EPHA7: variants seen among roughly 807,000 people sequenced by gnomAD.
EPHA7 encodes ephrin type-A receptor 7.
A neutral mutation model predicts 112.6 loss-of-function variants in EPHA7; 25 were observed. The observed-to-expected ratio is 0.22, with a 90% CI of 0.16 to 0.31. The LOEUF (loss-of-function observed/expected upper bound fraction) is 0.31, where lower values mean the gene tolerates loss of function less well. Among genes scored for constraint, EPHA7 ranks in the 10% least tolerant of loss-of-function variants. The pLI is 1.00. For synonymous variants in EPHA7, 437 were observed against 406.5 expected (o/e 1.07, Z -0.90); for missense variants, 962 against 1,212.6 (o/e 0.79, Z 3.07).
At chr6:93,286,994 T>C (rs895740486) in intron 5 of EPHA7, among the ~76,000 whole-genome samples, 19 of 152,218 alleles carry the variant, frequency 1.2e-4, no homozygotes, top group African/African-American at 4.6e-4. Context: ...GTTTTATAAT[T>C]GAGAAATATT....
chr6:93,256,573 A>G (rs1770448579), intron 12 of EPHA7, among the ~76,000 whole-genome samples: 1 of 152,132 alleles, frequency 6.6e-6, no homozygotes, highest in Admixed American at 6.6e-5. Flanking sequence ...TGCTACTGAT[A>G]GGAGCATTAC....
chr6:93,378,401 G>A (rs572522885), intron 3 of EPHA7, among the ~76,000 whole-genome samples: 33 of 152,234 alleles, frequency 2.2e-4, no homozygotes, highest in African/African-American at 7.0e-4. Context: ...GAAAACTAAC[G>A]GGAGGGCTTC....
At chr6:93,383,073 C>T (rs1777421156) in intron 3 of EPHA7, among the ~76,000 whole-genome samples, 1 of 152,086 alleles carries the variant, frequency 6.6e-6, no homozygotes, top group Non-Finnish European at 1.5e-5. Flanking sequence ...AAGAAAATCT[C>T]CATTCCCCAC....
At chr6:93,248,079 T>C (rs1346567031) in intron 14 of EPHA7, among the ~76,000 whole-genome samples, 3 of 151,116 alleles carry the variant, frequency 2.0e-5, no homozygotes, top group South Asian at 2.1e-4. Context: ...CTGACTGATA[T>C]AATGGTAGAA....
At chr6:93,255,370 A>AACG (rs1770395979) in intron 13 of EPHA7, among the ~76,000 whole-genome samples, 4 of 151,880 alleles carry the variant, frequency 2.6e-5, no homozygotes, top group Admixed American at 2.6e-4. Context: ...CAACAACAAC[A>AACG]GCCACAACAA....
At chr6:93,361,671 C>A (rs1322239718) in intron 3 of EPHA7, among the ~76,000 whole-genome samples, 1 of 152,028 alleles carries the variant, frequency 6.6e-6, no homozygotes, top group Non-Finnish European at 1.5e-5. Flanking sequence ...AAAAAGTCTT[C>A]AGAGGTAAAT....
chr6:93,385,708 G>A (rs1027388107), intron 3 of EPHA7, among the ~76,000 whole-genome samples: 2 of 151,974 alleles, frequency 1.3e-5, no homozygotes, highest in Non-Finnish European at 2.9e-5. Context: ...ATGGTGATGT[G>A]TGGATGGATG....
intron 5 of EPHA7, among the ~76,000 whole-genome samples, chr6:93,348,832 C>T (rs1775539907): frequency 6.6e-6 from 1 of 151,778 alleles, no homozygotes; most frequent in Non-Finnish European, 1.5e-5. Context: ...TAACCATCTA[C>T]CCTGGGCCCA....
At chr6:93,400,108 A>G (rs1778367767) in intron 3 of EPHA7, among the ~76,000 whole-genome samples, 1 of 152,062 alleles carries the variant, frequency 6.6e-6, no homozygotes, top group Non-Finnish European at 1.5e-5. Flanking sequence ...TTTATAGGAA[A>G]ATGTCAACTA....
chr6:93,249,794 C>T (rs1317514101), intron 14 of EPHA7, among the ~76,000 whole-genome samples: 2 of 152,124 alleles, frequency 1.3e-5, no homozygotes, highest in Non-Finnish European at 2.9e-5. Context: ...ATCATGCCCT[C>T]TTGACATAAT....
At chr6:93,310,436 T>G (rs546063095) in intron 5 of EPHA7, among the ~76,000 whole-genome samples, 1 of 152,256 alleles carries the variant, frequency 6.6e-6, no homozygotes, top group African/African-American at 2.4e-5. Flanking sequence ...GGAGTCCAAG[T>G]TGCGTGGATG....
intron 5 of EPHA7, among the ~76,000 whole-genome samples, chr6:93,283,944 T>C (rs1003180565): frequency 6.6e-6 from 1 of 152,198 alleles, no homozygotes; most frequent in Non-Finnish European, 1.5e-5. Flanking sequence ...CTATATTACA[T>C]AAAATATAAT....
chr6:93,369,523 G>T (rs888938895), intron 3 of EPHA7, among the ~76,000 whole-genome samples: 1 of 152,096 alleles, frequency 6.6e-6, no homozygotes, highest in Non-Finnish European at 1.5e-5. Context: ...CTTTTTAAAA[G>T]AGCAACATCC....
At chr6:93,354,784 C>G (rs1775862748) in intron 5 of EPHA7, among the ~76,000 whole-genome samples, 1 of 152,012 alleles carries the variant, frequency 6.6e-6, no homozygotes. Context: ...ATAGTATTAA[C>G]TTGAGAAATC....
At chr6:93,339,902 A>C (rs891853160) in intron 5 of EPHA7, among the ~76,000 whole-genome samples, 4 of 151,784 alleles carry the variant, frequency 2.6e-5, no homozygotes, top group African/African-American at 9.7e-5. Flanking sequence ...ACAATGTACA[A>C]ATAATCTCTC....
chr6:93,383,535 C>T (rs1356853944), intron 3 of EPHA7, among the ~76,000 whole-genome samples: 2 of 151,896 alleles, frequency 1.3e-5, no homozygotes, highest in South Asian at 2.1e-4. Context: ...TTTCTAAGGG[C>T]TTGCATTTAG....
Position 93,258,180 on chromosome 6 carries a change from T to C in EPHA7, c.2029A>G (p.Arg677Gly). The C allele has an allele frequency of 1.2e-6, 2 of 1,613,510 alleles. No homozygotes were observed. The highest frequency in any genetic ancestry group is 1.7e-6 in the Non-Finnish European group (2 of 1,179,674). Residue 677 changes from arginine (R) to glycine (G), a missense_variant, in exon 11 of 17, where the codon AGA becomes GGA. Arg to Gly is a moderately radical substitution (Grantham distance 125). Coordinates refer to ENST00000369303, the MANE Select transcript of EPHA7 (RefSeq NM_004440.4). ...LKVGYTEKQRRDFLCEASIMG... is the reference protein window; with the variant it reads ...LKVGYTEKQRGDFLCEASIMG... ...ATGCTTGCTTCACACAAAAAGTCTC[T>C]CCTTTGTTTTTCTGTGTAACCAACT...
In EPHA7 at chr6:93,243,068, T is replaced by C. The variant is rs1402047183; in HGVS notation, c.*358A>G. On this transcript the variant is annotated 3_prime_UTR_variant, in exon 17 of 17. Transcript: ENST00000369303. ...GAAAATATTTCATTAATTTTAACAA[T>C]AAGATCATGATTTTATTTGACAAAT... The C allele has an allele frequency of 8.6e-6, 2 of 231,754 alleles. No individual in the cohort carries two copies. Among genetic ancestry groups the C allele is most frequent in the Non-Finnish European group, 1.7e-5 (2 of 117,440 alleles). 14.4% of individuals were successfully genotyped at this position (231,754 alleles called of 1,614,324 possible). A position where few individuals can be genotyped will look rare whatever the true frequency, so the allele number is the denominator to read the frequency against.
At chr6:93,416,350 G>A (rs1270631491) in intron 1 of EPHA7, among the ~76,000 whole-genome samples, 1 of 152,094 alleles carries the variant, frequency 6.6e-6, no homozygotes, top group Admixed American at 6.5e-5. Flanking sequence ...TTTCTTGTGT[G>A]CTGAATATAG....
Sources: allele counts gnomAD v4.1 joint callset (sites outside exome capture counted in the v4.1 genomes callset), GRCh38; gene constraint gnomAD v4.1.1; transcripts MANE v1.5; gene names NCBI Gene and HGNC (gene_info 2026-07-23, HGNC 2026-07-21).